The following PHF7 variants were observed in gnomAD, a reference collection of about 807,000 sequenced individuals.
PHF7 encodes PHD finger protein 7, also known as E3 ubiquitin-protein ligase PHF7.
Under a neutral mutation model 47.5 loss-of-function variants are expected in PHF7, and 24 were observed. The ratio of observed to expected loss-of-function variants is 0.51; its 90% CI spans 0.37 to 0.71. PHF7 has a LOEUF of 0.71. Ranked by LOEUF, PHF7 falls within the 30% of genes least tolerant of loss-of-function variation. The probability of loss-of-function intolerance (pLI) is 0.00; values close to 1 mark genes in which losing one functional copy is unlikely to be tolerated. For missense variants in PHF7, 361 were observed against 456.8 expected (o/e 0.79, Z 1.91); for synonymous variants, 156 against 153.8 (o/e 1.01, Z -0.11).
At chr3:52,413,202 G>T (rs920685365) in intron 2 of PHF7, among the ~76,000 whole-genome samples, 1 of 152,182 alleles carries the variant, frequency 6.6e-6, no homozygotes. Context: ...TTCCTCATCT[G>T]GAAAATGTAC....
rs1172516986 is a variant in PHF7, at chr3:52,414,500, C to T, written c.99C>T (p.Cys33=). Residue 33 remains cysteine (C), a synonymous_variant, in exon 4 of 11, where the codon TGC becomes TGT. Coordinates refer to ENST00000327906, the MANE Select transcript of PHF7 (RefSeq NM_016483.7). ...TQRKPSSGPV[C]WLCLREPGDP... is the part of the protein sequence containing the mutation. ...TCTGGGTGTCCTCTCTTCCAGTTTG[C>T]TGGCTATGCCTTCGAGAACCTGGGG... 3.1e-6 allele frequency: 5 copies of T among 1,604,408 alleles called. No homozygotes were observed. The highest frequency in any genetic ancestry group is 4.3e-6 in the Non-Finnish European group (5 of 1,172,502).
rs143555957 is a variant in PHF7, at chr3:52,417,074, A to G, written c.186+2487A>G. Among the ~76,000 whole-genome samples, 585 of 152,224 alleles carry G rather than the reference A, an allele frequency of 3.8e-3. 4 individuals carry two copies. The highest frequency in any genetic ancestry group is 0.023 in the South Asian group (113 of 4,820). On this transcript the variant is annotated intron_variant, in intron 4 of 10. Transcript: ENST00000327906. ...TTTTTGTGTGTTGCAAGAAATCTTT[A>G]CCTACCCATAGAATTGCCTTGGTGC...
In PHF7 at chr3:52,412,844, A is replaced by G. The variant is rs759610312; in HGVS notation, c.-36A>G. The G allele has an allele frequency of 3.9e-6, 6 of 1,534,772 alleles. No individual in the cohort carries two copies. The highest frequency in any genetic ancestry group is 5.4e-6 in the Non-Finnish European group (6 of 1,109,710). ...GCCTGTATTGTCCTCACAATAGTAT[A>G]GAAGAATTCAAGAGAGGAGAGAGAG... On this transcript the variant is annotated 5_prime_UTR_variant, in exon 2 of 11. It adds an upstream start codon to the 5' untranslated region. Transcript: ENST00000327906.
At position 52,421,706 on chromosome 3, in the gene PHF7, A is replaced by T; in HGVS notation, c.632A>T (p.Lys211Ile). The change falls in exon 8 of 11, where the codon AAA becomes ATA. Residue 211 changes from lysine to isoleucine, a missense_variant. Lys to Ile is a moderately radical substitution (Grantham distance 102). Coordinates refer to ENST00000327906, the MANE Select transcript of PHF7 (RefSeq NM_016483.7). The part of the protein sequence containing the change: ...FFKCPQCNNR[K>I]EFPQEMLRMG... Reference sequence around the variant, plus strand: ...AAATGTCCACAGTGTAACAATCGAAAAGAGTTTCCTCAAGAAATGCTGAGA... The same window carrying T: ...AAATGTCCACAGTGTAACAATCGAATAGAGTTTCCTCAAGAAATGCTGAGA... The T allele has an allele frequency of 6.2e-7, 1 of 1,609,732 alleles. No individual in the cohort carries two copies. The highest frequency in any genetic ancestry group is 1.7e-5 in the Admixed American group (1 of 60,030).
In PHF7 at chr3:52,412,430, A is replaced by G. The variant is rs140922188; in HGVS notation, c.-69-381A>G. Reference sequence around the variant, plus strand: ...TTCACGTATTTTTTTGTAGGCACAAAGAAACAACCATTTAGCTAGGTCAAG... The same window carrying G: ...TTCACGTATTTTTTTGTAGGCACAAGGAAACAACCATTTAGCTAGGTCAAG... On this transcript the variant is annotated intron_variant, in intron 1 of 10. Coordinates refer to ENST00000327906, the MANE Select transcript of PHF7 (RefSeq NM_016483.7). Among the ~76,000 whole-genome samples, 797 of 152,338 alleles carry G rather than the reference A, an allele frequency of 5.2e-3. 4 individuals carry two copies. The highest frequency in any genetic ancestry group is 8.6e-3 in the Non-Finnish European group (585 of 68,026).
chr3:52,417,960 A>C (rs987804295), intron 4 of PHF7, among the ~76,000 whole-genome samples: 12 of 152,162 alleles, frequency 7.9e-5, no homozygotes, highest in African/African-American at 2.7e-4. Context: ...ATTCATATAT[A>C]GTTTGCCCAG....
At chr3:52,416,330 T>A (rs1259290205) in intron 4 of PHF7, among the ~76,000 whole-genome samples, 1 of 151,140 alleles carries the variant, frequency 6.6e-6, no homozygotes, top group South Asian at 2.1e-4. Flanking sequence ...GGACTACAGG[T>A]GCCTGTCACC....
In PHF7 at chr3:52,420,304, T is replaced by C. The variant is rs759399559; in HGVS notation, c.289-7T>C. ...GTCCTGAGCACTGTCTGGGAACTCA[T>C]TTGCAGATCTGCTTTGTGTGCAAGA... On this transcript the variant is annotated splice_region_variant and splice_polypyrimidine_tract_variant and intron_variant, in intron 5 of 10. Transcript: ENST00000327906. 19 of 1,613,956 alleles carry C rather than the reference T, an allele frequency of 1.2e-5. No individual in the cohort carries two copies. Among genetic ancestry groups the C allele is most frequent in the South Asian group, 2.2e-5 (2 of 91,074 alleles).
rs760428003 is a variant in PHF7 at position 52,412,821 on chromosome 3, C to G, written c.-59C>G. On this transcript the variant is annotated 5_prime_UTR_variant, in exon 2 of 11. Coordinates refer to ENST00000327906, the MANE Select transcript of PHF7 (RefSeq NM_016483.7). ...CATTTATATTTATAGCTGGAAGAGCCTGTATTGTCCTCACAATAGTATAGA... is the reference window on the plus strand; with the variant it reads ...CATTTATATTTATAGCTGGAAGAGCGTGTATTGTCCTCACAATAGTATAGA... 3 of 1,285,992 alleles carry G rather than the reference C, an allele frequency of 2.3e-6. No individual in the cohort carries two copies. Among genetic ancestry groups the G allele is most frequent in the Admixed American group, 1.7e-5 (1 of 58,272 alleles). 79.7% of individuals were successfully genotyped at this position (1,285,992 alleles called of 1,614,324 possible).
chr3:52,412,852 TC>T lies in PHF7; in HGVS notation c.-27del, dbSNP rs753831497. ...TGTCCTCACAATAGTATAGAAGAATTCAAGAGAGGAGAGAGAGACAGCACCG... is the reference window on the plus strand; with the variant it reads ...TGTCCTCACAATAGTATAGAAGAATTAAGAGAGGAGAGAGAGACAGCACCG... On this transcript the variant is annotated 5_prime_UTR_variant, in exon 2 of 11. Coordinates refer to ENST00000327906, the MANE Select transcript of PHF7 (RefSeq NM_016483.7). The T allele has an allele frequency of 1.3e-4, 206 of 1,579,344 alleles. No individual in the cohort carries two copies. The highest frequency in any genetic ancestry group is 1.7e-4 in the Non-Finnish European group (198 of 1,149,972).
Position 52,411,049 on chromosome 3 carries a change from A to G in PHF7, c.-268A>G, listed in dbSNP as rs1392055226. 6.6e-6 allele frequency: 1 copy of G among 152,250 alleles called. No homozygotes were observed. The highest frequency in any genetic ancestry group is 1.5e-5 in the Non-Finnish European group (1 of 68,048). 9.4% of individuals were successfully genotyped at this position (152,250 alleles called of 1,614,324 possible). On this transcript the variant is annotated 5_prime_UTR_variant, in exon 1 of 11. Coordinates refer to ENST00000327906, the MANE Select transcript of PHF7 (RefSeq NM_016483.7). ...ACAAGCTTTTACCCAGCACCTGTCCAGTGAAACAACTTGATAATCGTTTCG... is the reference window on the plus strand; with the variant it reads ...ACAAGCTTTTACCCAGCACCTGTCCGGTGAAACAACTTGATAATCGTTTCG...
chr3:52,411,219 C>T lies in PHF7; in HGVS notation c.-98C>T, dbSNP rs908755040. 2.6e-5 allele frequency: 4 copies of T among 152,200 alleles called. No homozygotes were observed. Among genetic ancestry groups the T allele is most frequent in the African/African-American group, 9.7e-5 (4 of 41,434 alleles). 9.4% of individuals were successfully genotyped at this position (152,200 alleles called of 1,614,324 possible). ...AATCCTACTCAAGGAACGTCTTGGC[C>T]CAGCGATGCAAAGAACTGAAGTTTC... On this transcript the variant is annotated 5_prime_UTR_variant, in exon 1 of 11. Coordinates refer to ENST00000327906, the MANE Select transcript of PHF7 (RefSeq NM_016483.7).
In PHF7 at chr3:52,422,255, C is replaced by G; in HGVS notation, c.714C>G (p.Phe238Leu). The change falls in exon 9 of 11, where the codon TTC (phenylalanine) becomes TTG (leucine). Residue 238 changes from phenylalanine to leucine, a missense_variant. Phe to Leu is a conservative substitution (Grantham distance 22). Transcript: ENST00000327906. ...CCTGGGAACTCGAGCCAGGGGCTTT[C>G]TCAGACTTATATCAGCGCTATCAGC... ...DAAWELEPGA[F>L]SDLYQRYQHC... 6.2e-7 allele frequency: 1 copy of G among 1,614,004 alleles called. No homozygotes were observed. Among genetic ancestry groups the G allele is most frequent in the Non-Finnish European group, 8.5e-7 (1 of 1,179,848 alleles).
intron 4 of PHF7, among the ~76,000 whole-genome samples, chr3:52,418,640 G>A (rs1276905185): frequency 6.6e-6 from 1 of 152,046 alleles, no homozygotes; most frequent in African/African-American, 2.4e-5. Context: ...GTACTAAGAG[G>A]TGATGCAGCA....
At chr3:52,414,961 A>G (rs183751990) in intron 4 of PHF7, 1 of 152,716 alleles carries the variant, frequency 6.5e-6, no homozygotes, top group African/African-American at 2.4e-5. Flanking sequence ...ACACCACCAC[A>G]CTCCAGCCTG....
At chr3:52,422,374 C>A in intron 9 of PHF7, 36 bp downstream of exon 9, 4 of 1,297,332 alleles carry the variant, frequency 3.1e-6, no homozygotes, top group Non-Finnish European at 4.5e-6. Flanking sequence ...GAGCTCTCAT[C>A]AGTGCTATCT....
At position 52,415,220 on chromosome 3, in the gene PHF7, G is replaced by A. The variant is rs535323338; in HGVS notation, c.186+633G>A. Among the ~76,000 whole-genome samples the A allele has an allele frequency of 1.3e-4, 20 of 151,372 alleles. No homozygotes were observed. The South Asian group carries it at 1.7e-3, about 13-fold the overall frequency. ...CCAATTTTTTTCTTTTTTTGAGAACGGAGTCTCACTCTCTTGCCCAGGCTA... is the reference window on the plus strand; with the variant it reads ...CCAATTTTTTTCTTTTTTTGAGAACAGAGTCTCACTCTCTTGCCCAGGCTA... On this transcript the variant is annotated intron_variant, in intron 4 of 10. Coordinates refer to ENST00000327906, the MANE Select transcript of PHF7 (RefSeq NM_016483.7).
At chr3:52,421,154 G>C (rs1037403218) in intron 7 of PHF7, 92 bp downstream of exon 7, 3 of 1,177,362 alleles carry the variant, frequency 2.5e-6, no homozygotes, top group African/African-American at 3.1e-5. Context: ...GTGTGCCTCA[G>C]CTTTGGTGCT....
chr3:52,417,486 G>T (rs1705660581), intron 4 of PHF7, among the ~76,000 whole-genome samples: 1 of 152,056 alleles, frequency 6.6e-6, no homozygotes, highest in South Asian at 2.1e-4. Flanking sequence ...TGTTGTTTTG[G>T]TGACAAAGTC....
Sources: allele counts gnomAD v4.1 joint callset (sites outside exome capture counted in the v4.1 genomes callset), GRCh38; gene constraint gnomAD v4.1.1; transcripts MANE v1.5; gene names NCBI Gene and HGNC (gene_info 2026-07-23, HGNC 2026-07-21).